The following CYP51A1 variants were observed in gnomAD, a reference collection of about 807,000 sequenced individuals.
CYP51A1 encodes the protein cytochrome P450 family 51 subfamily A member 1, also known as lanosterol 14-alpha demethylase.
CYP51A1 carries 45 observed loss-of-function variants against 53.5 expected under a neutral mutation model. The observed-to-expected ratio is 0.84, with a 90% CI of 0.66 to 1.08. The LOEUF (loss-of-function observed/expected upper bound fraction) is 1.08, where lower values mean the gene tolerates loss of function less well. CYP51A1 is among the 50% of genes least tolerant of loss of function. The pLI is 0.00. For missense variants in CYP51A1, 462 were observed against 621.7 expected (o/e 0.74, Z 2.73); for synonymous variants, 181 against 217.7 (o/e 0.83, Z 1.48).
intron 1 of CYP51A1, 102 bp from the exon 2 acceptor site, chr7:92,131,974 C>T (rs1280515587): frequency 1.7e-6 from 1 of 593,156 alleles, no homozygotes; most frequent in Non-Finnish European, 2.8e-6. Flanking sequence ...GCTATTAAGA[C>T]TTCAAAAAAA....
At chr7:92,131,660 G>A in intron 2 of CYP51A1, 114 bp downstream of exon 2, 1 of 596,800 alleles carries the variant, frequency 1.7e-6, no homozygotes, top group East Asian at 2.9e-5. Flanking sequence ...CCTATACTGA[G>A]GATATGTATA....
At chr7:92,126,525 C>T in intron 4 of CYP51A1, 98 bp from the exon 5 acceptor site, 1 of 1,063,490 alleles carries the variant, frequency 9.4e-7, no homozygotes, top group Non-Finnish European at 1.3e-6. Flanking sequence ...AGATCCTATT[C>T]ATATCATCAA....
At chr7:92,131,589 C>G (rs1819918876) in intron 2 of CYP51A1, among the ~76,000 whole-genome samples, 185 bp downstream of exon 2, 1 of 152,186 alleles carries the variant, frequency 6.6e-6, no homozygotes, top group Non-Finnish European at 1.5e-5. Flanking sequence ...ATGGGAAAAG[C>G]TAAAAGGATA....
chr7:92,133,716 C>T (rs1016345755), intron 1 of CYP51A1, among the ~76,000 whole-genome samples: 1 of 152,264 alleles, frequency 6.6e-6, no homozygotes, highest in Non-Finnish European at 1.5e-5. Context: ...CCACACAGGG[C>T]AGCCTCCAGG....
chr7:92,134,642 G>C (rs1343337703), upstream of CYP51A1: 4 of 426,446 alleles, frequency 9.4e-6, no homozygotes, highest in Admixed American at 1.6e-4. Flanking sequence ...TGGCACAGTG[G>C]TACGGGGCCG....
intron 1 of CYP51A1, among the ~76,000 whole-genome samples, chr7:92,133,865 T>C (rs1182654890): frequency 6.6e-6 from 1 of 152,068 alleles, no homozygotes; most frequent in Non-Finnish European, 1.5e-5. Flanking sequence ...TACAGACCGC[T>C]ACAACCACAA....
At position 92,116,931 on chromosome 7, in the gene CYP51A1, A is replaced by C. The variant is rs562232081; in HGVS notation, c.1351+113T>G. 1.8e-5 allele frequency: 20 copies of C among 1,094,170 alleles called. No homozygotes were observed. The South Asian group carries it at 3.6e-4, about 20-fold the overall frequency. 67.8% of individuals were successfully genotyped at this position (1,094,170 alleles called of 1,614,324 possible). ...TCTTCTCCTAAAAAAGTTTGCAAAA[A>C]TGTCCCTATGAGGAAAGGGAGAGAT... On this transcript the variant is annotated intron_variant, in intron 9 of 9. Transcript: ENST00000003100.
In CYP51A1 at chr7:92,118,514, A is replaced by G. The variant is rs1463183983; in HGVS notation, c.1182+6T>C. The G allele has an allele frequency of 6.7e-7, 1 of 1,490,398 alleles. No homozygotes were observed. Among genetic ancestry groups the G allele is most frequent in the Admixed American group, 1.7e-5 (1 of 59,868 alleles). The allele number at this position is 1,490,398 out of a possible 1,614,324, so 92.3% of individuals were successfully genotyped here. A position where few individuals can be genotyped will look rare whatever the true frequency, so the allele number is the denominator to read the frequency against. ...ATAGAGGGGAAGATGTAGCCAAGAT[A>G]CTCACCTGAGGAGTTCTGGCCATTC... On this transcript the variant is annotated splice_donor_region_variant and intron_variant, in intron 8 of 9. Coordinates refer to ENST00000003100, the MANE Select transcript of CYP51A1 (RefSeq NM_000786.4).
At chr7:92,118,008 T>G (rs1184282140) in intron 8 of CYP51A1, among the ~76,000 whole-genome samples, 1 of 151,686 alleles carries the variant, frequency 6.6e-6, no homozygotes, top group Non-Finnish European at 1.5e-5. Flanking sequence ...AAAAACAGAT[T>G]AGCACGTATA....
At chr7:92,129,079 A>G (rs774248445) in intron 2 of CYP51A1, 23 bp from the exon 3 acceptor site, 3 of 1,521,936 alleles carry the variant, frequency 2.0e-6, no homozygotes, top group South Asian at 2.5e-5. Context: ...AAGTACATAT[A>G]GTGATGTTAC....
chr7:92,134,594 G>C (rs1306443415), upstream of CYP51A1: 2 of 524,632 alleles, frequency 3.8e-6, no homozygotes, highest in East Asian at 3.3e-5. Context: ...TGGTCTTCTT[G>C]CGCGGGATAG....
intron 9 of CYP51A1, among the ~76,000 whole-genome samples, chr7:92,115,114 GTAA>G (rs1392663647): frequency 5.3e-5 from 8 of 152,138 alleles, no homozygotes; most frequent in Non-Finnish European, 1.0e-4. Flanking sequence ...TTCACAAAAT[GTAA>G]TATTATGAAA....
upstream of CYP51A1, chr7:92,134,559 C>G (rs1010303486): frequency 2.5e-5 from 15 of 591,924 alleles, no homozygotes; most frequent in Admixed American, 3.8e-4. Context: ...TGGCCACGCC[C>G]CTTAAATAAC....
intron 1 of CYP51A1, among the ~76,000 whole-genome samples, chr7:92,132,439 T>C (rs1044807329): frequency 2.0e-5 from 3 of 152,212 alleles, no homozygotes; most frequent in African/African-American, 7.2e-5. Flanking sequence ...CTGTGTTTTT[T>C]TATTTGTATT....
intron 1 of CYP51A1, 149 bp from the exon 2 acceptor site, chr7:92,132,021 G>A: frequency 1.7e-6 from 1 of 585,174 alleles, no homozygotes; most frequent in Non-Finnish European, 3.1e-6. Context: ...GAAGTAACTT[G>A]AGAACAGCCA....
At position 92,122,983 on chromosome 7, in the gene CYP51A1, T is replaced by C. The variant is rs563431307; in HGVS notation, c.1086+137A>G. ...CATTAAGATATTTTAGGTAAGGTTA[T>C]AGGGAATTTGCTAAAAATAGAGAAG... On this transcript the variant is annotated intron_variant, in intron 7 of 9. Coordinates refer to ENST00000003100, the MANE Select transcript of CYP51A1 (RefSeq NM_000786.4). The C allele has an allele frequency of 1.4e-3, 883 of 653,630 alleles. 1 individual carries two copies. Among genetic ancestry groups the C allele is most frequent in the Middle Eastern group, 2.5e-3 (10 of 3,936 alleles). The allele number at this position is 653,630 out of a possible 1,614,324, so 40.5% of individuals were successfully genotyped here. A position where few individuals can be genotyped will look rare whatever the true frequency, so the allele number is the denominator to read the frequency against.
intron 9 of CYP51A1, among the ~76,000 whole-genome samples, chr7:92,116,465 C>T (rs1384626525): frequency 6.6e-6 from 1 of 152,128 alleles, no homozygotes; most frequent in Non-Finnish European, 1.5e-5. Flanking sequence ...ATAGTTTAAT[C>T]AGTACAGAGA....
At chr7:92,127,077 A>G (rs1819815433) in intron 4 of CYP51A1, among the ~76,000 whole-genome samples, 1 of 152,254 alleles carries the variant, frequency 6.6e-6, no homozygotes, top group Non-Finnish European at 1.5e-5. Flanking sequence ...TGCTGTAATT[A>G]TATGTCTCAC....
intron 7 of CYP51A1, among the ~76,000 whole-genome samples, chr7:92,122,667 T>C (rs574000265): frequency 7.1e-4 from 108 of 152,328 alleles, no homozygotes; most frequent in African/African-American, 2.5e-3. Context: ...CTCTCTTCCT[T>C]TCCACCCAGC....
Sources: gnomAD v4.1 joint callset for allele counts (sites outside exome capture counted in the v4.1 genomes callset) on GRCh38, gnomAD v4.1.1 for gene constraint, MANE v1.5 for transcripts, NCBI Gene and HGNC (gene_info 2026-07-23, HGNC 2026-07-21) for gene names.